PRKG1: variants seen among roughly 807,000 people sequenced by gnomAD.
PRKG1 encodes the protein cGMP-dependent protein kinase 1.
A neutral mutation model predicts 88.1 loss-of-function variants in PRKG1; 35 were observed. The ratio of observed to expected loss-of-function variants is 0.40; its 90% CI spans 0.30 to 0.53. The LOEUF is 0.53. Ranked by LOEUF, PRKG1 falls within the 20% of genes least tolerant of loss-of-function variation. The pLI, the probability that PRKG1 is intolerant of heterozygous loss-of-function variation, is 0.59. For synonymous variants in PRKG1, 303 were observed against 292.5 expected, an observed-to-expected ratio of 1.04 and a Z score of -0.37; for missense variants, 540 against 839.8, an observed-to-expected ratio of 0.64 and a Z score of 4.41.
intron 2 of PRKG1, among the ~76,000 whole-genome samples, chr10:51,184,842 C>T (rs1837444105): frequency 1.3e-5 from 2 of 152,156 alleles, no homozygotes; most frequent in South Asian, 4.1e-4. Flanking sequence ...TCACCCAGGT[C>T]AAGAGGCTGA....
chr10:51,362,621 C>T (rs901596398), intron 2 of PRKG1, among the ~76,000 whole-genome samples: 4 of 151,662 alleles, frequency 2.6e-5, no homozygotes, highest in Non-Finnish European at 5.9e-5. Context: ...AACATTGAAA[C>T]TGTATTTTTT....
intron 1 of PRKG1, among the ~76,000 whole-genome samples, chr10:51,111,138 A>G (rs752158420): frequency 2.0e-4 from 30 of 152,140 alleles, no homozygotes; most frequent in Non-Finnish European, 4.0e-4. Context: ...GGAAATGTAG[A>G]ACTGAGCCCA....
intron 1 of PRKG1, among the ~76,000 whole-genome samples, chr10:51,128,671 A>T (rs532177369): frequency 2.6e-5 from 4 of 152,334 alleles, no homozygotes; most frequent in African/African-American, 9.6e-5. Context: ...AAAGTCTGAT[A>T]AAGAGCCTTT....
intron 2 of PRKG1, among the ~76,000 whole-genome samples, chr10:51,405,194 T>C (rs907644956): frequency 3.3e-5 from 5 of 152,226 alleles, no homozygotes; most frequent in Non-Finnish European, 5.9e-5. Flanking sequence ...GACAATTTAC[T>C]GTACAGATGC....
intron 3 of PRKG1, chr10:51,697,285 A>T (rs1308556601): frequency 6.2e-6 from 1 of 161,518 alleles, no homozygotes; most frequent in Admixed American, 6.2e-5. Context: ...ATTTTGTTAT[A>T]CAACCAAAAA....
intron 2 of PRKG1, among the ~76,000 whole-genome samples, chr10:51,218,528 TA>T (rs1838435217): frequency 1.2e-5 from 1 of 82,208 alleles, no homozygotes; most frequent in Non-Finnish European, 2.4e-5. Flanking sequence ...TATATATATA[TA>T]TAAAATGTGT....
intron 7 of PRKG1, among the ~76,000 whole-genome samples, chr10:52,091,971 G>A (rs74562893): frequency 0.15 from 22,226 of 152,172 alleles, 1,917 homozygotes; most frequent in South Asian, 0.28. Flanking sequence ...CTGACTTGAT[G>A]TCACGGTATG....
chr10:51,492,555 T>C (rs7921499), intron 3 of PRKG1, among the ~76,000 whole-genome samples: 74,281 of 151,882 alleles, frequency 0.49, 19,926 homozygotes, highest in East Asian at 0.85. Flanking sequence ...CTTTGTGCTA[T>C]GTAAATACAG....
At chr10:52,205,528 G>A (rs1334685342) in intron 9 of PRKG1, among the ~76,000 whole-genome samples, 1 of 152,164 alleles carries the variant, frequency 6.6e-6, no homozygotes, top group Non-Finnish European at 1.5e-5. Flanking sequence ...TACTTTAAAA[G>A]TGTGTTTTTT....
intron 8 of PRKG1, among the ~76,000 whole-genome samples, chr10:52,135,735 C>T (rs1837395007): frequency 1.3e-5 from 2 of 151,962 alleles, no homozygotes; most frequent in African/African-American, 4.8e-5. Flanking sequence ...CATACAATAT[C>T]GAACACTCAA....
At chr10:51,977,497 G>C (rs1325455532) in intron 5 of PRKG1, among the ~76,000 whole-genome samples, 3 of 152,062 alleles carry the variant, frequency 2.0e-5, no homozygotes, top group African/African-American at 7.2e-5. Context: ...TAATGGGATT[G>C]CTGGGTCAAA....
intron 1 of PRKG1, among the ~76,000 whole-genome samples, chr10:51,088,808 A>ATTT (rs200475991): frequency 0.012 from 1,649 of 136,990 alleles, 18 homozygotes; most frequent in Non-Finnish European, 0.014. Context: ...ATTTAATATG[A>ATTT]TTTTTTTTTT....
intron 1 of PRKG1, among the ~76,000 whole-genome samples, chr10:51,039,435 AT>A (rs1233433715): frequency 6.6e-6 from 1 of 151,944 alleles, no homozygotes; most frequent in Non-Finnish European, 1.5e-5. Context: ...AGATAATTAG[AT>A]TTTTTTCCTA....
intron 1 of PRKG1, among the ~76,000 whole-genome samples, chr10:51,103,162 T>G (rs2339672): frequency 0.77 from 117,004 of 151,340 alleles, 45,759 homozygotes; most frequent in East Asian, 0.86. Context: ...AAAATGAGAG[T>G]GTTCATCCAA....
intron 8 of PRKG1, among the ~76,000 whole-genome samples, chr10:52,154,507 G>C (rs900539117): frequency 1.3e-5 from 2 of 151,946 alleles, no homozygotes; most frequent in Non-Finnish European, 2.9e-5. Context: ...CTTAGAAAAG[G>C]GTGAATCATA....
intron 2 of PRKG1, among the ~76,000 whole-genome samples, chr10:51,210,778 C>A (rs907895929): frequency 6.6e-6 from 1 of 152,160 alleles, no homozygotes; most frequent in Non-Finnish European, 1.5e-5. Context: ...GAAGTTGAAT[C>A]TCTGAATAGA....
chr10:51,676,752 T>C (rs565611712), intron 3 of PRKG1, among the ~76,000 whole-genome samples: 1 of 152,356 alleles, frequency 6.6e-6, no homozygotes, highest in African/African-American at 2.4e-5. Context: ...GCTGTGGAGA[T>C]TTATGTGACA....
intron 2 of PRKG1, among the ~76,000 whole-genome samples, chr10:51,252,805 G>A (rs1362981173): frequency 6.6e-6 from 1 of 151,720 alleles, no homozygotes; most frequent in African/African-American, 2.4e-5. Flanking sequence ...TGTCTTCAAG[G>A]TTAAAAAGAA....
intron 2 of PRKG1, among the ~76,000 whole-genome samples, chr10:51,166,967 ATTAT>A: frequency 6.6e-6 from 1 of 152,282 alleles, no homozygotes; most frequent in East Asian, 1.9e-4. Context: ...AATTCATTTG[ATTAT>A]TTATTAGTTC....
Sources: allele counts gnomAD v4.1 joint callset (sites outside exome capture counted in the v4.1 genomes callset), GRCh38; gene constraint gnomAD v4.1.1; transcripts MANE v1.5; gene names NCBI Gene and HGNC (gene_info 2026-07-23, HGNC 2026-07-21).